The following ADD2 variants were observed in gnomAD, a reference collection of about 807,000 sequenced individuals.
ADD2 encodes the protein beta-adducin.
In ADD2, 23 loss-of-function variants were observed where a neutral mutation model predicts 83.0. The ratio of observed to expected loss-of-function variants is 0.28; its 90% CI spans 0.20 to 0.39. The LOEUF (loss-of-function observed/expected upper bound fraction) is 0.39. Among genes scored for constraint, ADD2 ranks in the 10% least tolerant of loss-of-function variants. ADD2 has a pLI of 1.00. For missense variants in ADD2, 758 were observed against 944.9 expected (o/e 0.80, Z 2.59); for synonymous variants, 375 against 375.4 (o/e 1.00, Z 0.01).
Position 70,753,328 on chromosome 2 carries a change from TA to T in ADD2, c.-154+14557del, listed in dbSNP as rs568427764. Among the ~76,000 whole-genome samples, 581 of 151,618 alleles carry T rather than the reference TA, an allele frequency of 3.8e-3. 7 individuals carry two copies. Among genetic ancestry groups the T allele is most frequent in the African/African-American group, 0.013 (538 of 41,276 alleles). On this transcript the variant is annotated intron_variant, in intron 1 of 15. Transcript: ENST00000264436. ...CTTGACAAGAATAGCCTCAGTGCCA[TA>T]AAAGAGGACAAGTATAAACAGTGGG...
intron 1 of ADD2, among the ~76,000 whole-genome samples, chr2:70,746,787 T>C (rs955674109): frequency 1.3e-5 from 2 of 152,170 alleles, no homozygotes; most frequent in African/African-American, 2.4e-5. Flanking sequence ...TCTGGCAAGA[T>C]AGCAACAGCC....
At chr2:70,715,436 G>C (rs1672415077) in intron 1 of ADD2, among the ~76,000 whole-genome samples, 1 of 152,136 alleles carries the variant, frequency 6.6e-6, no homozygotes, top group South Asian at 2.1e-4. Context: ...AGGCAGAGCA[G>C]AGATGCAAGG....
chr2:70,661,178 T>C lies in ADD2; in HGVS notation c.*2247A>G, dbSNP rs1195147794. The C allele has an allele frequency of 6.6e-6, 1 of 152,188 alleles. No individual in the cohort carries two copies. Among genetic ancestry groups the C allele is most frequent in the African/African-American group, 2.4e-5 (1 of 41,456 alleles). 9.4% of individuals were successfully genotyped at this position (152,188 alleles called of 1,614,324 possible). A position where few individuals can be genotyped will look rare whatever the true frequency, so the allele number is the denominator to read the frequency against. ...GAGGCAATCAACATCACCCCCGAAGTAGAACAACTCGCACACAAAAGGCTG... is the reference window on the plus strand; with the variant it reads ...GAGGCAATCAACATCACCCCCGAAGCAGAACAACTCGCACACAAAAGGCTG... On this transcript the variant is annotated 3_prime_UTR_variant, in exon 16 of 16. Coordinates refer to ENST00000264436, the MANE Select transcript of ADD2 (RefSeq NM_001617.4).
intron 8 of ADD2, among the ~76,000 whole-genome samples, chr2:70,688,723 A>G (rs914937380): frequency 1.3e-5 from 2 of 152,138 alleles, no homozygotes; most frequent in Non-Finnish European, 2.9e-5. Flanking sequence ...CAGCTCTGAG[A>G]TCTCACAGCT....
At chr2:70,759,990 G>C (rs1553384567) in intron 1 of ADD2, among the ~76,000 whole-genome samples, 1 of 152,088 alleles carries the variant, frequency 6.6e-6, no homozygotes, top group African/African-American at 2.4e-5. Flanking sequence ...GGACACCACT[G>C]CTTCTTCCCA....
chr2:70,694,889 G>C (rs1009657459), intron 6 of ADD2, among the ~76,000 whole-genome samples: 1 of 151,802 alleles, frequency 6.6e-6, no homozygotes, highest in Admixed American at 6.6e-5. Flanking sequence ...AACACCTTAC[G>C]GACAGAGCCT....
At chr2:70,744,563 C>A in intron 1 of ADD2, among the ~76,000 whole-genome samples, 1 of 152,124 alleles carries the variant, frequency 6.6e-6, no homozygotes, top group East Asian at 1.9e-4. Flanking sequence ...AGCTAGACAG[C>A]ATTTGATGAG....
At chr2:70,717,643 G>C (rs1402003615) in intron 1 of ADD2, 1 of 152,328 alleles carries the variant, frequency 6.6e-6, no homozygotes, top group Non-Finnish European at 1.5e-5. Context: ...CATAGCATTT[G>C]CTCCAGGACT....
At chr2:70,740,145 CT>C (rs1248769366) in intron 1 of ADD2, among the ~76,000 whole-genome samples, 2 of 152,014 alleles carry the variant, frequency 1.3e-5, no homozygotes, top group African/African-American at 4.8e-5. Flanking sequence ...AGGTTAAAAG[CT>C]CTAAGTGATT....
chr2:70,678,005 C>CTTT, intron 11 of ADD2, 128 bp from the exon 12 acceptor site: 1 of 1,281,040 alleles, frequency 7.8e-7, no homozygotes, highest in Non-Finnish European at 1.1e-6. Flanking sequence ...CATAGACACT[C>CTTT]TCTCTTCTTA....
In ADD2 at chr2:70,677,907, GT is replaced by G. The variant is rs782693854; in HGVS notation, c.1384-31del. 12 of 1,613,716 alleles carry G rather than the reference GT, an allele frequency of 7.4e-6. No homozygotes were observed. The African/African-American group carries it at 1.2e-4, about 16-fold the overall frequency. On this transcript the variant is annotated intron_variant, in intron 11 of 15. Coordinates refer to ENST00000264436, the MANE Select transcript of ADD2 (RefSeq NM_001617.4). The stretch of plus-strand genomic sequence containing the variant: ...ACAAACACAAGGTCATGGGGCTGAG[GT>G]GAGGGAACAGGCCCATGAGTCCTCC...
chr2:70,719,508 T>C (rs1442287819), intron 1 of ADD2, among the ~76,000 whole-genome samples: 3 of 152,086 alleles, frequency 2.0e-5, no homozygotes, highest in Non-Finnish European at 2.9e-5. Context: ...CACAAAACCA[T>C]GTGGACCTCA....
chr2:70,767,290 G>A (rs2104578751), intron 1 of ADD2: 1 of 152,818 alleles, frequency 6.5e-6, no homozygotes, highest in East Asian at 1.9e-4. Flanking sequence ...CTCCAAAGTG[G>A]TGGAGCCGCA....
chr2:70,663,282 C>T lies in ADD2; in HGVS notation c.*143G>A, dbSNP rs1016876535. 6 of 951,728 alleles carry T rather than the reference C, an allele frequency of 6.3e-6. No homozygotes were observed. The highest frequency in any genetic ancestry group is 5.1e-5 in the South Asian group (3 of 59,154). 59.0% of individuals were successfully genotyped at this position (951,728 alleles called of 1,614,324 possible). ...GGCAACTGTAAAACGAAGGGTTGGT[C>T]GGGTGATCTCTAAGTTCCCCTTCCG... On this transcript the variant is annotated 3_prime_UTR_variant, in exon 16 of 16. Coordinates refer to ENST00000264436, the MANE Select transcript of ADD2 (RefSeq NM_001617.4).
intron 1 of ADD2, among the ~76,000 whole-genome samples, chr2:70,738,308 A>G (rs1673694236): frequency 6.6e-6 from 1 of 152,210 alleles, no homozygotes; most frequent in Non-Finnish European, 1.5e-5. Context: ...ATCATAACAC[A>G]TAAGAACTTC....
At chr2:70,665,825 T>G (rs1377494139) in intron 15 of ADD2, among the ~76,000 whole-genome samples, 5 of 151,796 alleles carry the variant, frequency 3.3e-5, no homozygotes, top group African/African-American at 4.8e-5. Context: ...TTTGTTTTTT[T>G]TTTTTTCCCG....
rs574335023 is a variant in ADD2, at chr2:70,661,752, C to G, written c.*1673G>C. 1.3e-5 allele frequency: 2 copies of G among 152,318 alleles called. No homozygotes were observed. Among genetic ancestry groups the G allele is most frequent in the South Asian group, 4.2e-4 (2 of 4,818 alleles). 9.4% of individuals were successfully genotyped at this position (152,318 alleles called of 1,614,324 possible). ...CGTGCTAACATTATGCAATGGAGAA[C>G]AGTCATAGAGACAAATCCTGGATGA... On this transcript the variant is annotated 3_prime_UTR_variant, in exon 16 of 16. Transcript: ENST00000264436.
At chr2:70,707,737 T>A (rs140307614) in intron 2 of ADD2, among the ~76,000 whole-genome samples, 2 of 152,208 alleles carry the variant, frequency 1.3e-5, no homozygotes, top group Non-Finnish European at 2.9e-5. Context: ...TTAACATATA[T>A]GTGAAGATAC....
chr2:70,673,339 A>G, intron 14 of ADD2: 2 of 1,613,638 alleles, frequency 1.2e-6, no homozygotes. Context: ...GAAGAGAACC[A>G]GCCAGGAGCT....
Sources: allele counts gnomAD v4.1 joint callset (sites outside exome capture counted in the v4.1 genomes callset), GRCh38; gene constraint gnomAD v4.1.1; transcripts MANE v1.5; gene names NCBI Gene and HGNC (gene_info 2026-07-23, HGNC 2026-07-21).